The following KCMF1 variants were observed in gnomAD, a reference collection of about 807,000 sequenced individuals.
KCMF1 encodes E3 ubiquitin-protein ligase KCMF1.
A neutral mutation model predicts 41.1 loss-of-function variants in KCMF1; 3 were observed. The observed-to-expected ratio is 0.07, with a 90% CI of 0.03 to 0.19. KCMF1 has a LOEUF of 0.19. KCMF1 is among the 10% of genes least tolerant of loss of function. KCMF1 has a pLI of 1.00. For synonymous variants in KCMF1, 142 were observed against 164.5 expected (o/e 0.86, Z 1.04); for missense variants, 286 against 488.9 (o/e 0.58, Z 3.91).
At chr2:84,977,835 A>C (rs1340387906) in intron 1 of KCMF1, among the ~76,000 whole-genome samples, 2 of 152,098 alleles carry the variant, frequency 1.3e-5, no homozygotes, top group African/African-American at 4.8e-5. Flanking sequence ...GGGGTCTTTG[A>C]TTTCATAATT....
chr2:84,980,817 T>A lies in KCMF1; in HGVS notation c.16+9350T>A, dbSNP rs1447653680. On this transcript the variant is annotated intron_variant, in intron 1 of 6. Coordinates refer to ENST00000409785, the MANE Select transcript of KCMF1 (RefSeq NM_020122.5). ...TACCACGCCTGAATAATTTTTGAAA[T>A]TTTTGTAGAGATAGGGTCTCATTGT... Among the ~76,000 whole-genome samples, 3 of 151,996 alleles carry A rather than the reference T, an allele frequency of 2.0e-5. No individual in the cohort carries two copies. In the East Asian group the frequency reaches 5.8e-4, roughly 29 times the overall value.
intron 1 of KCMF1, among the ~76,000 whole-genome samples, chr2:84,982,406 T>TTTTTTTTTTTTTTTTTTTTTTTTTTTTG (rs1673786258): frequency 8.8e-6 from 1 of 113,088 alleles, no homozygotes; most frequent in Non-Finnish European, 1.9e-5. Flanking sequence ...TTTTTTTTTT[T>TTTTTTTTTTTTTTTTTTTTTTTTTTTTG]TTTTTTTTTT....
chr2:85,052,027 A>G (rs1231242246), intron 6 of KCMF1, among the ~76,000 whole-genome samples: 1 of 152,210 alleles, frequency 6.6e-6, no homozygotes, highest in African/African-American at 2.4e-5. Flanking sequence ...TTGAAGTCCA[A>G]GATAGTTGAC....
intron 2 of KCMF1, among the ~76,000 whole-genome samples, chr2:85,030,119 G>A (rs940450705): frequency 6.6e-6 from 1 of 151,960 alleles, no homozygotes; most frequent in African/African-American, 2.4e-5. Context: ...ATCTTTTCTT[G>A]TGCTTATGGG....
intron 1 of KCMF1, among the ~76,000 whole-genome samples, chr2:85,004,772 C>A (rs1283879840): frequency 6.6e-6 from 1 of 152,046 alleles, no homozygotes; most frequent in Non-Finnish European, 1.5e-5. Context: ...ATGAGTCTTG[C>A]TTGAACTAGG....
intron 3 of KCMF1, among the ~76,000 whole-genome samples, chr2:85,041,795 G>T (rs967438488): frequency 7.5e-6 from 1 of 132,908 alleles, no homozygotes; most frequent in Non-Finnish European, 1.6e-5. Flanking sequence ...AAAAAAGCAA[G>T]TCTGGCCGGA....
intron 1 of KCMF1, among the ~76,000 whole-genome samples, chr2:85,024,553 TG>T (rs1675037917): frequency 7.1e-6 from 1 of 141,654 alleles, no homozygotes; most frequent in Non-Finnish European, 1.6e-5. Context: ...ATTTGGAGAG[TG>T]AGAGAGAGAG....
intron 6 of KCMF1, among the ~76,000 whole-genome samples, chr2:85,050,476 ACTACT>A (rs139945597): frequency 6.6e-6 from 1 of 152,300 alleles, no homozygotes; most frequent in Non-Finnish European, 1.5e-5. Flanking sequence ...AAAACAGTAA[ACTACT>A]CTACTAGATG....
chr2:84,993,900 ATTTTTTGTTTTGTTT>A lies in KCMF1; in HGVS notation c.16+22435_16+22449del, dbSNP rs747780182. Among the ~76,000 whole-genome samples, 506 of 128,698 alleles carry A rather than the reference ATTTTTTGTTTTGTTT, an allele frequency of 3.9e-3. 1 individual carries two copies. The highest frequency in any genetic ancestry group is 5.2e-3 in the Non-Finnish European group (317 of 61,332). The allele number at this position is 128,698 out of a possible 152,430, so 84.4% of individuals were successfully genotyped here. ...CTACCCCCCATTTTTGAGTTTGAACATTTTTTGTTTTGTTTTGTTTTGTTTTGTTTTGTTTTGTTT... is the reference window on the plus strand; with the variant it reads ...CTACCCCCCATTTTTGAGTTTGAACATGTTTTGTTTTGTTTTGTTTTGTTT... On this transcript the variant is annotated intron_variant, in intron 1 of 6. Transcript: ENST00000409785.
chr2:84,978,919 G>A (rs987951918), intron 1 of KCMF1, among the ~76,000 whole-genome samples: 2 of 151,932 alleles, frequency 1.3e-5, no homozygotes, highest in African/African-American at 2.4e-5. Flanking sequence ...TGTCCATGTT[G>A]GTCAGGCTGG....
chr2:85,036,565 G>A (rs1675407960), intron 3 of KCMF1, among the ~76,000 whole-genome samples: 1 of 152,148 alleles, frequency 6.6e-6, no homozygotes, highest in African/African-American at 2.4e-5. Context: ...AAGCTGAGGT[G>A]AGAGCATTGC....
chr2:84,992,892 T>G (rs1674077858), intron 1 of KCMF1, among the ~76,000 whole-genome samples: 1 of 152,158 alleles, frequency 6.6e-6, no homozygotes, highest in Non-Finnish European at 1.5e-5. Context: ...AGTGCTGAGA[T>G]TACAGCATCA....
At position 84,988,066 on chromosome 2, in the gene KCMF1, A is replaced by T. The variant is rs180842167; in HGVS notation, c.16+16599A>T. Reference sequence around the variant, plus strand: ...AGAAATGCCGTCTCTACTAAAAAAAAATAAATAAATACAAAATTAGGCGGG... The same window carrying T: ...AGAAATGCCGTCTCTACTAAAAAAATATAAATAAATACAAAATTAGGCGGG... On this transcript the variant is annotated intron_variant, in intron 1 of 6. Coordinates refer to ENST00000409785, the MANE Select transcript of KCMF1 (RefSeq NM_020122.5). Among the ~76,000 whole-genome samples, 210 of 152,222 alleles carry T rather than the reference A, an allele frequency of 1.4e-3. 2 individuals are homozygous for T. The highest frequency in any genetic ancestry group is 6.8e-3 in the Middle Eastern group (2 of 294).
chr2:85,050,956 A>C lies in KCMF1; in HGVS notation c.884+1308A>C, dbSNP rs989166414. Among the ~76,000 whole-genome samples, 3 of 152,166 alleles carry C rather than the reference A, an allele frequency of 2.0e-5. No homozygotes were observed. The South Asian group carries it at 6.2e-4, about 32-fold the overall frequency. ...TCAGGCAAGTCATTTCACTCCTCCAAACCTCAATTTTATCATCAGTATCCC... is the reference window on the plus strand; with the variant it reads ...TCAGGCAAGTCATTTCACTCCTCCACACCTCAATTTTATCATCAGTATCCC... On this transcript the variant is annotated intron_variant, in intron 6 of 6. Coordinates refer to ENST00000409785, the MANE Select transcript of KCMF1 (RefSeq NM_020122.5).
chr2:84,992,895 C>T (rs1036039813), intron 1 of KCMF1, among the ~76,000 whole-genome samples: 2 of 152,152 alleles, frequency 1.3e-5, no homozygotes, highest in Non-Finnish European at 2.9e-5. Flanking sequence ...GCTGAGATTA[C>T]AGCATCACCA....
intron 1 of KCMF1, among the ~76,000 whole-genome samples, chr2:85,020,240 T>G (rs1674896640): frequency 6.6e-6 from 1 of 152,174 alleles, no homozygotes; most frequent in South Asian, 2.1e-4. Flanking sequence ...AATGTCAGGC[T>G]ACACACCAAA....
At chr2:85,035,632 C>A (rs1272691882) in intron 3 of KCMF1, among the ~76,000 whole-genome samples, 1 of 152,184 alleles carries the variant, frequency 6.6e-6, no homozygotes, top group Admixed American at 6.5e-5. Context: ...TCTCTTGCTT[C>A]CTAGGTCAAG....
chr2:84,998,914 TTACCTATCTATC>T (rs1232194659), intron 1 of KCMF1, among the ~76,000 whole-genome samples: 13 of 145,414 alleles, frequency 8.9e-5, no homozygotes, highest in African/African-American at 2.6e-4. Flanking sequence ...GCTGGGCCTC[TTACCTATCTATC>T]TATCTATCTA....
chr2:85,022,886 C>CTTTTT (rs34732141), intron 1 of KCMF1, among the ~76,000 whole-genome samples: 25 of 111,748 alleles, frequency 2.2e-4, no homozygotes, highest in Non-Finnish European at 2.6e-4. Context: ...TGTATGTATT[C>CTTTTT]TTTTTTTTTT....
Sources: gnomAD v4.1 joint callset for allele counts (sites outside exome capture counted in the v4.1 genomes callset) on GRCh38, gnomAD v4.1.1 for gene constraint, MANE v1.5 for transcripts, NCBI Gene and HGNC (gene_info 2026-07-23, HGNC 2026-07-21) for gene names.